Variants in ARL15 observed in about 807,000 individuals in gnomAD.
ARL15 encodes ARF like GTPase 15, also known as ADP-ribosylation factor-like protein 15.
ARL15 carries 19 observed loss-of-function variants against 25.2 expected under a neutral mutation model. The ratio of observed to expected loss-of-function variants is 0.75; its 90% CI spans 0.53 to 1.10. The LOEUF is 1.10. Ranked by LOEUF, ARL15 falls within the 50% of genes least tolerant of loss-of-function variation. The pLI is 0.00. For missense variants in ARL15, 220 were observed against 246.0 expected (o/e 0.89, Z 0.71); for synonymous variants, 94 against 86.8 (o/e 1.08, Z -0.46).
chr5:54,169,538 C>G (rs2112394817), intron 2 of ARL15, among the ~76,000 whole-genome samples: 1 of 152,294 alleles, frequency 6.6e-6, no homozygotes, highest in Non-Finnish European at 1.5e-5. Flanking sequence ...AAGATTCCTA[C>G]CTGTCATATA....
intron 4 of ARL15, among the ~76,000 whole-genome samples, chr5:53,999,977 C>T (rs1185585840): frequency 6.6e-6 from 1 of 151,960 alleles, no homozygotes; most frequent in African/African-American, 2.4e-5. Context: ...GTATAGTAGA[C>T]AGAAAAAATG....
At chr5:54,140,964 T>G (rs1753761132) in intron 3 of ARL15, among the ~76,000 whole-genome samples, 1 of 152,174 alleles carries the variant, frequency 6.6e-6, no homozygotes, top group Admixed American at 6.5e-5. Flanking sequence ...CCCAACCTGC[T>G]CCTTTCTATA....
chr5:54,060,886 G>T (rs1464145610), intron 4 of ARL15, among the ~76,000 whole-genome samples: 1 of 152,180 alleles, frequency 6.6e-6, no homozygotes, highest in Admixed American at 6.5e-5. Context: ...GCTGTTAAAA[G>T]CATTCAGTTT....
chr5:53,943,307 G>T (rs934860555), intron 4 of ARL15, among the ~76,000 whole-genome samples: 2 of 152,190 alleles, frequency 1.3e-5, no homozygotes, highest in Non-Finnish European at 2.9e-5. Flanking sequence ...GTGTGTAAAA[G>T]GTTAGTAGAT....
At position 53,918,382 on chromosome 5, in the gene ARL15, G is replaced by C. The variant is rs115628310; in HGVS notation, c.463-31669C>G. Among the ~76,000 whole-genome samples the C allele has an allele frequency of 5.9e-3, 898 of 151,914 alleles. 2 individuals are homozygous for C. The highest frequency in any genetic ancestry group is 7.9e-3 in the Admixed American group (120 of 15,236). ...TTTTTATTTTTAGTAGAGATGGGGG[G>C]GGATCTCACTATGTTGCCCAAGCTG... On this transcript the variant is annotated intron_variant, in intron 4 of 4. Coordinates refer to ENST00000504924, the MANE Select transcript of ARL15 (RefSeq NM_019087.3).
chr5:53,897,978 T>C (rs1744927863), intron 4 of ARL15, among the ~76,000 whole-genome samples: 1 of 152,162 alleles, frequency 6.6e-6, no homozygotes, highest in South Asian at 2.1e-4. Context: ...CATTACATTA[T>C]TACAATAAGA....
At chr5:53,972,370 C>A (rs578099038) in intron 4 of ARL15, among the ~76,000 whole-genome samples, 6 of 152,082 alleles carry the variant, frequency 3.9e-5, no homozygotes, top group African/African-American at 1.4e-4. Flanking sequence ...AGTTTGTTCC[C>A]CAGTAGCACA....
chr5:54,173,669 T>C (rs1378858756), intron 1 of ARL15, among the ~76,000 whole-genome samples: 1 of 152,172 alleles, frequency 6.6e-6, no homozygotes, highest in Non-Finnish European at 1.5e-5. Flanking sequence ...AGTTCCAGTA[T>C]ATTTGCTCTT....
At chr5:54,126,344 T>G (rs1753251326) in intron 3 of ARL15, among the ~76,000 whole-genome samples, 1 of 152,356 alleles carries the variant, frequency 6.6e-6, no homozygotes, top group Middle Eastern at 3.4e-3. Context: ...TAATTCTTGC[T>G]ATGCACTCTT....
chr5:54,304,387 C>A (rs149174445), intron 1 of ARL15, among the ~76,000 whole-genome samples: 1 of 152,324 alleles, frequency 6.6e-6, no homozygotes, highest in East Asian at 1.9e-4. Flanking sequence ...TGATTTTGCC[C>A]TCCTGATTAT....
rs2112217747 is a variant in ARL15 at position 54,113,188 on chromosome 5, C to T, written c.462+14G>A. On this transcript the variant is annotated intron_variant, in intron 4 of 4. Transcript: ENST00000504924. ...GCAAGGAAGACAAAGAGTTGTCATGCTAATGAGACATACCTCTTGTACTGA... is the reference window on the plus strand; with the variant it reads ...GCAAGGAAGACAAAGAGTTGTCATGTTAATGAGACATACCTCTTGTACTGA... 6.2e-7 allele frequency: 1 copy of T among 1,611,366 alleles called. No individual in the cohort carries two copies. The highest frequency in any genetic ancestry group is 1.1e-5 in the South Asian group (1 of 90,610).
At chr5:54,297,021 C>T (rs1758481569) in intron 1 of ARL15, among the ~76,000 whole-genome samples, 1 of 152,208 alleles carries the variant, frequency 6.6e-6, no homozygotes, top group Non-Finnish European at 1.5e-5. Context: ...GCTATTTCAT[C>T]TAGCATTTCC....
chr5:54,264,427 C>G lies in ARL15; in HGVS notation c.48+46005G>C, dbSNP rs544327610. ...GCCCTAGGTTAGCCTATTCTCAAAACAGCAGCGAGAGTGATCCTTTAAAAA... is the reference window on the plus strand; with the variant it reads ...GCCCTAGGTTAGCCTATTCTCAAAAGAGCAGCGAGAGTGATCCTTTAAAAA... On this transcript the variant is annotated intron_variant, in intron 1 of 4. Transcript: ENST00000504924. 3.3e-5 allele frequency among the ~76,000 whole-genome samples: 5 copies of G among 152,290 alleles called. No individual in the cohort carries two copies. In the East Asian group the frequency reaches 9.6e-4, roughly 29 times the overall value.
chr5:54,204,120 T>A (rs760429836), intron 1 of ARL15, among the ~76,000 whole-genome samples: 2 of 152,212 alleles, frequency 1.3e-5, no homozygotes, highest in African/African-American at 4.8e-5. Flanking sequence ...TTAAGTTATA[T>A]ACAATTTTCT....
chr5:54,164,072 G>T (rs1170323632), intron 2 of ARL15, among the ~76,000 whole-genome samples: 1 of 151,906 alleles, frequency 6.6e-6, no homozygotes, highest in Non-Finnish European at 1.5e-5. Flanking sequence ...ATTCTAATAT[G>T]TTGCATTGTC....
intron 1 of ARL15, among the ~76,000 whole-genome samples, chr5:54,299,917 C>A (rs566187500): frequency 2.0e-5 from 3 of 152,124 alleles, no homozygotes; most frequent in African/African-American, 7.2e-5. Flanking sequence ...CATCTCCAAA[C>A]CTCACCTCTG....
At chr5:54,043,989 A>G (rs2111958202) in intron 4 of ARL15, among the ~76,000 whole-genome samples, 1 of 152,246 alleles carries the variant, frequency 6.6e-6, no homozygotes, top group East Asian at 1.9e-4. Flanking sequence ...TGACAGAGAC[A>G]GAGAGCCTAT....
intron 4 of ARL15, among the ~76,000 whole-genome samples, chr5:53,943,799 C>T (rs1006383639): frequency 2.0e-5 from 3 of 152,152 alleles, no homozygotes; most frequent in Non-Finnish European, 4.4e-5. Context: ...GAATGACAGA[C>T]AGCCATGGGA....
chr5:54,276,349 T>C (rs1287491744), intron 1 of ARL15, among the ~76,000 whole-genome samples: 3 of 152,220 alleles, frequency 2.0e-5, no homozygotes. Flanking sequence ...CAAATGGTCA[T>C]ATATTAAATC....
Sources: allele counts gnomAD v4.1 joint callset (sites outside exome capture counted in the v4.1 genomes callset), GRCh38; gene constraint gnomAD v4.1.1; transcripts MANE v1.5; gene names NCBI Gene and HGNC (gene_info 2026-07-23, HGNC 2026-07-21).